The following NDST4 variants were observed in gnomAD, a reference collection of about 807,000 sequenced individuals.
NDST4 encodes N-deacetylase and N-sulfotransferase 4, also known as N-heparan sulfate sulfotransferase 4.
Under a neutral mutation model 100.8 loss-of-function variants are expected in NDST4, and 63 were observed. The observed-to-expected ratio is 0.62, with a 90% CI of 0.51 to 0.77. The LOEUF (loss-of-function observed/expected upper bound fraction) is 0.77, where lower values mean the gene tolerates loss of function less well. Ranked by LOEUF, NDST4 falls within the 30% of genes least tolerant of loss-of-function variation. NDST4 has a pLI of 0.00. For missense variants in NDST4, 943 were observed against 1,018.4 expected, an observed-to-expected ratio of 0.93 and a Z score of 1.01; for synonymous variants, 377 against 361.8, an observed-to-expected ratio of 1.04 and a Z score of -0.48.
At chr4:115,067,072 C>T (rs950219054) in intron 2 of NDST4, among the ~76,000 whole-genome samples, 3 of 152,144 alleles carry the variant, frequency 2.0e-5, no homozygotes, top group Non-Finnish European at 2.9e-5. Context: ...TGCTCATTCC[C>T]GCAAGCCCGG....
intron 2 of NDST4, among the ~76,000 whole-genome samples, chr4:115,062,898 G>A (rs1311059955): frequency 5.9e-5 from 9 of 151,856 alleles, no homozygotes. Context: ...GCAATTTGAA[G>A]AAAATGTGTA....
chr4:114,874,048 T>G (rs1044708605), intron 6 of NDST4, among the ~76,000 whole-genome samples: 1 of 152,092 alleles, frequency 6.6e-6, no homozygotes, highest in Non-Finnish European at 1.5e-5. Flanking sequence ...TCTCCAGAAC[T>G]TTTCATCATA....
intron 2 of NDST4, among the ~76,000 whole-genome samples, chr4:115,036,594 A>C (rs1355907284): frequency 6.6e-6 from 1 of 151,914 alleles, no homozygotes; most frequent in African/African-American, 2.4e-5. Context: ...ACAAGAGTTT[A>C]ATAAATTTGC....
intron 1 of NDST4, among the ~76,000 whole-genome samples, chr4:115,107,824 AT>A (rs1184845523): frequency 6.6e-6 from 1 of 151,894 alleles, no homozygotes. Flanking sequence ...TAAAAAAGCT[AT>A]TTTTTTCTGT....
At chr4:114,961,426 T>C (rs769442656) in intron 4 of NDST4, among the ~76,000 whole-genome samples, 7 of 152,126 alleles carry the variant, frequency 4.6e-5, no homozygotes, top group Non-Finnish European at 5.9e-5. Context: ...TTATTTGACA[T>C]GATCAACTAA....
intron 7 of NDST4, among the ~76,000 whole-genome samples, chr4:114,855,914 C>T (rs567574010): frequency 6.6e-5 from 10 of 152,142 alleles, no homozygotes; most frequent in African/African-American, 2.2e-4. Flanking sequence ...TTATGTTTTG[C>T]TTTTCTATAA....
At position 115,050,091 on chromosome 4, in the gene NDST4, T is replaced by G. The variant is rs536990182; in HGVS notation, c.978+25968A>C. Among the ~76,000 whole-genome samples, 339 of 152,222 alleles carry G rather than the reference T, an allele frequency of 2.2e-3. 1 individual carries two copies. The highest frequency in any genetic ancestry group is 7.9e-3 in the African/African-American group (330 of 41,548). ...TTTACTTTAATATCTTGCTTTCATG[T>G]TATATATTCCTACCAATCCCCATAC... is the stretch of plus-strand genomic sequence containing the variant. On this transcript the variant is annotated intron_variant, in intron 2 of 13. Coordinates refer to ENST00000264363, the MANE Select transcript of NDST4 (RefSeq NM_022569.3).
At chr4:115,089,317 T>A (rs1372495101) in intron 1 of NDST4, among the ~76,000 whole-genome samples, 1 of 151,932 alleles carries the variant, frequency 6.6e-6, no homozygotes, top group Non-Finnish European at 1.5e-5. Context: ...CTCTGTTTTG[T>A]ATTTTCTATA....
chr4:114,920,934 T>C (rs2126218896), intron 6 of NDST4, among the ~76,000 whole-genome samples: 1 of 152,328 alleles, frequency 6.6e-6, no homozygotes, highest in Non-Finnish European at 1.5e-5. Flanking sequence ...GCCCTCTAAA[T>C]TATCTGTAAA....
intron 6 of NDST4, among the ~76,000 whole-genome samples, chr4:114,924,252 C>T (rs552234636): frequency 1.3e-5 from 2 of 151,984 alleles, no homozygotes; most frequent in Non-Finnish European, 2.9e-5. Flanking sequence ...TTCTCTACAT[C>T]CTTATGCTAA....
chr4:114,993,370 G>C (rs115869669), intron 2 of NDST4, among the ~76,000 whole-genome samples: 2 of 151,808 alleles, frequency 1.3e-5, no homozygotes, highest in Admixed American at 6.6e-5. Context: ...TTACTTGAAC[G>C]TTCCTTCACC....
chr4:114,893,901 G>T (rs558352209), intron 6 of NDST4, among the ~76,000 whole-genome samples: 3 of 152,264 alleles, frequency 2.0e-5, no homozygotes, highest in African/African-American at 7.2e-5. Flanking sequence ...AATTCATCTT[G>T]AGTTAATTTT....
At chr4:114,893,827 T>G (rs929079419) in intron 6 of NDST4, among the ~76,000 whole-genome samples, 1 of 152,200 alleles carries the variant, frequency 6.6e-6, no homozygotes, top group African/African-American at 2.4e-5. Context: ...GCCTATGTCC[T>G]GAGTGGTATT....
chr4:115,046,787 A>G (rs1234095017), intron 2 of NDST4, among the ~76,000 whole-genome samples: 1 of 152,204 alleles, frequency 6.6e-6, no homozygotes, highest in Non-Finnish European at 1.5e-5. Context: ...ACAATTGTTT[A>G]TTAGTATATC....
At chr4:115,028,658 G>T (rs1728042299) in intron 2 of NDST4, among the ~76,000 whole-genome samples, 1 of 151,986 alleles carries the variant, frequency 6.6e-6, no homozygotes, top group Non-Finnish European at 1.5e-5. Flanking sequence ...AAAATAGCAA[G>T]TTGCAGGAGA....
chr4:114,986,815 TATATATATATATA>T (rs1726917846), intron 2 of NDST4, among the ~76,000 whole-genome samples: 2 of 123,874 alleles, frequency 1.6e-5, no homozygotes, highest in South Asian at 2.8e-4. Context: ...TATATATATA[TATATATATATATA>T]TATATTTTAA....
intron 1 of NDST4, among the ~76,000 whole-genome samples, chr4:115,088,363 T>C (rs1349243845): frequency 6.6e-6 from 1 of 151,052 alleles, no homozygotes; most frequent in African/African-American, 2.4e-5. Context: ...AACTTCAGCC[T>C]CTCTCTTCTA....
chr4:115,060,030 C>T (rs1728785372), intron 2 of NDST4, among the ~76,000 whole-genome samples: 1 of 151,910 alleles, frequency 6.6e-6, no homozygotes, highest in African/African-American at 2.4e-5. Context: ...CCACTGTCCC[C>T]ATATTGCTAC....
rs936207389 is a variant in NDST4, at chr4:114,843,063, T to G, written c.2115+2760A>C. Among the ~76,000 whole-genome samples the G allele has an allele frequency of 3.9e-4, 59 of 152,292 alleles. 1 individual carries two copies. Among genetic ancestry groups the G allele is most frequent in the African/African-American group, 1.3e-3 (56 of 41,566 alleles). On this transcript the variant is annotated intron_variant, in intron 10 of 13. Transcript: ENST00000264363. ...GACTCATCAAATCATATATCATATATCATATGATATAGTACTAGACTCATC... is the reference window on the plus strand; with the variant it reads ...GACTCATCAAATCATATATCATATAGCATATGATATAGTACTAGACTCATC...
Sources: gnomAD v4.1 joint callset for allele counts (sites outside exome capture counted in the v4.1 genomes callset) on GRCh38, gnomAD v4.1.1 for gene constraint, MANE v1.5 for transcripts, NCBI Gene and HGNC (gene_info 2026-07-23, HGNC 2026-07-21) for gene names.